The following LRRN2 variants were observed in gnomAD, a reference collection of about 807,000 sequenced individuals.
LRRN2 encodes leucine rich repeat neuronal 2.
In LRRN2, 10 loss-of-function variants were observed where a neutral mutation model predicts 35.7. The ratio of observed to expected loss-of-function variants is 0.28; its 90% CI spans 0.17 to 0.47. The LOEUF is 0.47. Ranked by LOEUF, LRRN2 falls within the 20% of genes least tolerant of loss-of-function variation. The probability of loss-of-function intolerance (pLI) is 0.99; values close to 1 mark genes in which losing one functional copy is unlikely to be tolerated. For synonymous variants in LRRN2, 391 were observed against 409.6 expected (o/e 0.95, Z 0.55); for missense variants, 731 against 940.3 (o/e 0.78, Z 2.91).
At chr1:204,647,380 A>G (rs1367578334) in intron 1 of LRRN2, among the ~76,000 whole-genome samples, 1 of 152,222 alleles carries the variant, frequency 6.6e-6, no homozygotes, top group Non-Finnish European at 1.5e-5. Flanking sequence ...TGACTTATCA[A>G]AAGCCACTCT....
At chr1:204,680,806 T>C (rs1251433546) in intron 1 of LRRN2, among the ~76,000 whole-genome samples, 1 of 152,164 alleles carries the variant, frequency 6.6e-6, no homozygotes, top group African/African-American at 2.4e-5. Context: ...CCTGGTATCT[T>C]TTCATGCACG....
intron 1 of LRRN2, among the ~76,000 whole-genome samples, chr1:204,675,212 G>C (rs1668800645): frequency 6.6e-6 from 1 of 152,168 alleles, no homozygotes; most frequent in South Asian, 2.1e-4. Context: ...CTCCGGGGTG[G>C]CTGGGAGGTC....
intron 1 of LRRN2, among the ~76,000 whole-genome samples, chr1:204,668,497 A>T (rs1668636694): frequency 6.6e-6 from 1 of 152,182 alleles, no homozygotes; most frequent in South Asian, 2.1e-4. Flanking sequence ...TGGGAGGCTG[A>T]GCTAGGAGAA....
intron 1 of LRRN2, among the ~76,000 whole-genome samples, chr1:204,648,632 C>A (rs1668160386): frequency 6.6e-6 from 1 of 152,182 alleles, no homozygotes; most frequent in Admixed American, 6.5e-5. Context: ...GCCCCCCCAC[C>A]CAACCTACTT....
chr1:204,674,736 C>T (rs1472871492), intron 1 of LRRN2, among the ~76,000 whole-genome samples: 1 of 152,180 alleles, frequency 6.6e-6, no homozygotes. Context: ...TGAGAAAGCC[C>T]ACCTGGTGAC....
Position 204,678,523 on chromosome 1 carries a change from C to G in LRRN2, c.-227+6797G>C, listed in dbSNP as rs563205349. 3.2e-3 allele frequency among the ~76,000 whole-genome samples: 481 copies of G among 152,264 alleles called. 4 individuals carry two copies. Among genetic ancestry groups the G allele is most frequent in the Non-Finnish European group, 2.8e-3 (192 of 68,008 alleles). On this transcript the variant is annotated intron_variant, in intron 1 of 1. Coordinates refer to ENST00000367177, the MANE Select transcript of LRRN2 (RefSeq NM_201630.2). The stretch of plus-strand genomic sequence containing the variant: ...GCCCATCTTACTCTGAGGAAAAAAT[C>G]CCCCTCCTCACCAGCTCCAGACCTC...
rs1321457659 is a variant in LRRN2, at chr1:204,619,787, G to T, written c.206C>A (p.Ala69Glu). Residue 69 changes from alanine (A) to glutamate (E), a missense_variant, in exon 2 of 2, where the codon GCA becomes GAA. Physicochemically the swap from Ala to Glu is moderately radical, Grantham distance 107 (BLOSUM62 -1). This residue lies in a region of LRRN2 where 246 missense variants were observed against 289.5 expected (regional missense o/e 0.85). Transcript: ENST00000367177. ...FLTAVPPALP[A>E]GTQTLLLQSN... ...CTGCAGGAGCAGGGTCTGTGTGCCTGCGGGGAGTGCCGGGGGGACTGCCGT... is the reference window on the plus strand; with the variant it reads ...CTGCAGGAGCAGGGTCTGTGTGCCTTCGGGGAGTGCCGGGGGGACTGCCGT... 3 of 1,614,078 alleles carry T rather than the reference G, an allele frequency of 1.9e-6. No homozygotes were observed. The African/African-American group carries it at 4.0e-5, about 22-fold the overall frequency.
rs1273712774 is a variant in LRRN2, at chr1:204,619,477, G to A, written c.516C>T (p.Leu172=). The A allele has an allele frequency of 7.4e-6, 12 of 1,614,252 alleles. No homozygotes were observed. Among genetic ancestry groups the A allele is most frequent in the Non-Finnish European group, 1.0e-5 (12 of 1,180,046 alleles). ...CAATGGCCCTCAGGAGGTTGGAGTT[G>A]AGGTGCAGCCGCAGCAAGTTGCTGA... ...SGLSNLLRLH[L]NSNLLRAIDS... is the part of the protein sequence containing the mutation. Residue 172 remains leucine, a synonymous_variant, in exon 2 of 2, where the codon CTC becomes CTT. Coordinates refer to ENST00000367177, the MANE Select transcript of LRRN2 (RefSeq NM_201630.2).
rs777838491 is a variant in LRRN2 at position 204,619,633 on chromosome 1, C to T, written c.360G>A (p.Leu120=). The change falls in exon 2 of 2, where the codon CTG becomes CTA. Residue 120 remains leucine, a synonymous_variant. Transcript: ENST00000367177. ...DCDFHALPQL[L]SLHLEENQLT... is the part of the protein sequence containing the mutation. ...GCTGGTTCTCCTCTAGGTGCAGGCT[C>T]AGCAGCTGGGGCAGGGCATGGAAAT... 4 of 1,614,116 alleles carry T rather than the reference C, an allele frequency of 2.5e-6. No individual in the cohort carries two copies. The African/African-American group carries it at 5.3e-5, about 22-fold the overall frequency.
At chr1:204,656,256 G>T (rs1421560753) in intron 1 of LRRN2, among the ~76,000 whole-genome samples, 1 of 152,130 alleles carries the variant, frequency 6.6e-6, no homozygotes, top group Non-Finnish European at 1.5e-5. Flanking sequence ...CCTGCCCTTG[G>T]CTGTCTGCAT....
At chr1:204,642,954 G>A (rs938708907) in intron 1 of LRRN2, among the ~76,000 whole-genome samples, 2 of 152,182 alleles carry the variant, frequency 1.3e-5, no homozygotes, top group African/African-American at 2.4e-5. Flanking sequence ...GAGCCTGATA[G>A]ACTGTTTTTC....
chr1:204,673,926 C>T (rs981910350), intron 1 of LRRN2, among the ~76,000 whole-genome samples: 150 of 152,246 alleles, frequency 9.9e-4, no homozygotes, highest in African/African-American at 3.4e-3. Flanking sequence ...CCCCTCTCCC[C>T]ACAGGACCAA....
rs2102568151 is a variant in LRRN2 at position 204,619,977 on chromosome 1, C to T, written c.16G>A (p.Ala6Thr). MRLLV[A>T]PLLLAWVAGA... is the part of the protein sequence containing the mutation. ...GCCACCCAAGCTAGCAAGAGTGGGG[C>T]CACGAGAAGCCTCATGGTGGAGCTG... Residue 6 changes from alanine (A) to threonine (T), a missense_variant, in exon 2 of 2, where the codon GCC (alanine) becomes ACC (threonine). Transcript: ENST00000367177. The T allele has an allele frequency of 6.2e-7, 1 of 1,609,850 alleles. No homozygotes were observed. The highest frequency in any genetic ancestry group is 1.1e-5 in the South Asian group (1 of 90,168).
chr1:204,666,945 G>A (rs563976160), intron 1 of LRRN2, among the ~76,000 whole-genome samples: 4 of 112,624 alleles, frequency 3.6e-5, no homozygotes, highest in African/African-American at 1.4e-4. Context: ...CTGGATGCCA[G>A]AGTGAAACTC....
intron 1 of LRRN2, among the ~76,000 whole-genome samples, chr1:204,630,433 GAAAAT>G (rs1667659077): frequency 6.6e-6 from 1 of 152,082 alleles, no homozygotes; most frequent in Non-Finnish European, 1.5e-5. Flanking sequence ...AACGGAAAAG[GAAAAT>G]AAAATCAGAA....
At chr1:204,683,485 G>T (rs1028284540) in intron 1 of LRRN2, among the ~76,000 whole-genome samples, 6 of 151,928 alleles carry the variant, frequency 3.9e-5, no homozygotes, top group Non-Finnish European at 5.9e-5. Flanking sequence ...AGGAAGAGGG[G>T]AGGCACAGGG....
Position 204,618,314 on chromosome 1 carries a change from C to A in LRRN2, c.1679G>T (p.Ser560Ile). The A allele has an allele frequency of 6.3e-7, 1 of 1,595,454 alleles. No homozygotes were observed. The highest frequency in any genetic ancestry group is 8.5e-7 in the Non-Finnish European group (1 of 1,170,264). The change falls in exon 2 of 2, where the codon AGT becomes ATT. Residue 560 changes from serine (S) to isoleucine (I), a missense_variant. Ser to Ile is a moderately radical substitution (Grantham distance 142). Transcript: ENST00000367177. ...CCCCTGGCCCCGGAGGGAGGAGGCA[C>A]TGGACCAGGTGAGGTTGGTGGACAC... ...NTVSTNLTWS[S>I]ASSLRGQGAT...
chr1:204,625,347 C>T (rs2102581330), intron 1 of LRRN2, among the ~76,000 whole-genome samples: 1 of 152,330 alleles, frequency 6.6e-6, no homozygotes. Flanking sequence ...CCTCTCCTTT[C>T]ATCTTACCAT....
chr1:204,618,901 T>C lies in LRRN2; in HGVS notation c.1092A>G (p.Val364=), dbSNP rs750489637. ...TVESLPNLQE[V]GLHGNPIRCD... Reference sequence around the variant, plus strand: ...AGCGGATGGGGTTGCCGTGGAGACCTACCTCCTGCAGGTTGGGCAGGGACT... The same window carrying C: ...AGCGGATGGGGTTGCCGTGGAGACCCACCTCCTGCAGGTTGGGCAGGGACT... Residue 364 remains valine (V), a synonymous_variant, in exon 2 of 2, where the codon GTA becomes GTG. Coordinates refer to ENST00000367177, the MANE Select transcript of LRRN2 (RefSeq NM_201630.2). The C allele has an allele frequency of 3.1e-6, 5 of 1,614,014 alleles. No individual in the cohort carries two copies. The highest frequency in any genetic ancestry group is 2.7e-5 in the African/African-American group (2 of 74,920).
Sources: allele counts gnomAD v4.1 joint callset (sites outside exome capture counted in the v4.1 genomes callset), GRCh38; gene constraint gnomAD v4.1.1; regional missense constraint gnomAD v4.1.1; transcripts MANE v1.5; gene names NCBI Gene and HGNC (gene_info 2026-07-23, HGNC 2026-07-21).